Variants in PLCE1 observed in about 807,000 individuals in gnomAD.
The protein encoded by PLCE1 is phospholipase C epsilon 1.
PLCE1 carries 119 observed loss-of-function variants against 242.8 expected under a neutral mutation model. The ratio of observed to expected loss-of-function variants is 0.49; its 90% CI spans 0.42 to 0.57. The LOEUF (loss-of-function observed/expected upper bound fraction) is 0.57. Ranked by LOEUF, PLCE1 falls within the 20% of genes least tolerant of loss-of-function variation. PLCE1 has a pLI of 0.00. For missense variants in PLCE1, 2,441 were observed against 2,788.8 expected (o/e 0.88, Z 2.81); for synonymous variants, 945 against 1,017.4 (o/e 0.93, Z 1.35).
intron 2 of PLCE1, among the ~76,000 whole-genome samples, chr10:94,114,853 G>T (rs1197702630): frequency 6.6e-6 from 1 of 151,622 alleles, no homozygotes; most frequent in Non-Finnish European, 1.5e-5. Context: ...GTGCCATGTT[G>T]GTGTGCTGCA....
At chr10:94,113,898 A>G (rs1445975261) in intron 2 of PLCE1, among the ~76,000 whole-genome samples, 1 of 152,180 alleles carries the variant, frequency 6.6e-6, no homozygotes. Flanking sequence ...AGGAAACAAA[A>G]TGCAGCAGAT....
At chr10:94,193,584 T>C (rs1417242565) in intron 4 of PLCE1, among the ~76,000 whole-genome samples, 3 of 152,222 alleles carry the variant, frequency 2.0e-5, no homozygotes, top group Admixed American at 6.5e-5. Flanking sequence ...GTTTATACAA[T>C]GTGCAGAAAA....
chr10:94,007,280 G>A (rs1254699949), intron 1 of PLCE1, among the ~76,000 whole-genome samples: 1 of 147,906 alleles, frequency 6.8e-6, no homozygotes, highest in African/African-American at 2.5e-5. Context: ...CTGGAAAGAG[G>A]CATTTGGAAG....
intron 2 of PLCE1, among the ~76,000 whole-genome samples, chr10:94,070,966 C>G (rs2044333963): frequency 6.6e-6 from 1 of 152,196 alleles, no homozygotes; most frequent in Admixed American, 6.5e-5. Flanking sequence ...ATGCCAGGCA[C>G]CGTGCTAGAC....
intron 16 of PLCE1, among the ~76,000 whole-genome samples, chr10:94,267,397 C>T (rs2051556764): frequency 6.6e-6 from 1 of 152,180 alleles, no homozygotes; most frequent in Non-Finnish European, 1.5e-5. Context: ...ACAAGAACCC[C>T]TCAAATAGAC....
rs149332737 is a variant in PLCE1, at chr10:94,204,496, G to A, written c.1810-22810G>A. Reference sequence around the variant, plus strand: ...ATCCTGGCCAAGATGGTGAAACTGCGTCTTTACTAAAAATACAAAAAATTA... The same window carrying A: ...ATCCTGGCCAAGATGGTGAAACTGCATCTTTACTAAAAATACAAAAAATTA... On this transcript the variant is annotated intron_variant, in intron 4 of 32. Transcript: ENST00000371380. Among the ~76,000 whole-genome samples, 673 of 152,058 alleles carry A rather than the reference G, an allele frequency of 4.4e-3. 6 individuals are homozygous for A. The highest frequency in any genetic ancestry group is 0.015 in the African/African-American group (638 of 41,458).
At chr10:94,143,406 A>G (rs1482946611) in intron 3 of PLCE1, among the ~76,000 whole-genome samples, 1 of 152,208 alleles carries the variant, frequency 6.6e-6, no homozygotes, top group African/African-American at 2.4e-5. Flanking sequence ...TTTTCAATAC[A>G]TGACACTTCT....
chr10:94,229,037 C>T (rs1229949191), intron 5 of PLCE1, among the ~76,000 whole-genome samples: 1 of 151,900 alleles, frequency 6.6e-6, no homozygotes, highest in Non-Finnish European at 1.5e-5. Context: ...CAAAAATTAG[C>T]TGGGCATGGT....
At chr10:94,322,816 C>T (rs1250643000) in intron 30 of PLCE1, among the ~76,000 whole-genome samples, 1 of 151,632 alleles carries the variant, frequency 6.6e-6, no homozygotes, top group Non-Finnish European at 1.5e-5. Flanking sequence ...ATTAGCCAGG[C>T]ATGGTAGCAT....
intron 4 of PLCE1, among the ~76,000 whole-genome samples, chr10:94,200,107 A>G (rs2048947391): frequency 1.3e-5 from 2 of 152,216 alleles, no homozygotes; most frequent in Admixed American, 6.5e-5. Context: ...CTATAGATAC[A>G]CATATATAAA....
intron 3 of PLCE1, among the ~76,000 whole-genome samples, chr10:94,170,185 A>T (rs1398925060): frequency 6.6e-6 from 1 of 152,190 alleles, no homozygotes; most frequent in African/African-American, 2.4e-5. Context: ...GATGACAGGT[A>T]TTTCCAGGAA....
At chr10:94,293,114 C>A (rs1374220175) in intron 22 of PLCE1, among the ~76,000 whole-genome samples, 1 of 152,188 alleles carries the variant, frequency 6.6e-6, no homozygotes, top group Admixed American at 6.5e-5. Context: ...AGGAATTGAA[C>A]CTAGACACTA....
chr10:94,143,456 G>A (rs995513610), intron 3 of PLCE1, among the ~76,000 whole-genome samples: 1 of 152,146 alleles, frequency 6.6e-6, no homozygotes, highest in African/African-American at 2.4e-5. Flanking sequence ...TTTTTAAAGA[G>A]TAAGCCTCAT....
At chr10:94,162,212 A>T (rs2047640716) in intron 3 of PLCE1, among the ~76,000 whole-genome samples, 1 of 152,126 alleles carries the variant, frequency 6.6e-6, no homozygotes, top group Non-Finnish European at 1.5e-5. Context: ...TATTGATTGG[A>T]ATAGTTTCAG....
intron 4 of PLCE1, among the ~76,000 whole-genome samples, chr10:94,184,770 T>C (rs1471143937): frequency 2.6e-5 from 4 of 152,240 alleles, no homozygotes; most frequent in Non-Finnish European, 4.4e-5. Context: ...AAAGACCTTC[T>C]TTCTCAGACC....
intron 6 of PLCE1, 91 bp downstream of exon 6, chr10:94,234,403 C>G (rs567932152): frequency 7.7e-7 from 1 of 1,300,224 alleles, no homozygotes. Context: ...GAAATGATCA[C>G]TGATTGAACA....
At chr10:94,118,656 C>T (rs1481521432) in intron 2 of PLCE1, among the ~76,000 whole-genome samples, 2 of 152,192 alleles carry the variant, frequency 1.3e-5, no homozygotes, top group African/African-American at 4.8e-5. Context: ...CCTTGCCTTC[C>T]ACCATGATTG....
intron 2 of PLCE1, among the ~76,000 whole-genome samples, chr10:94,083,602 C>T (rs1239690498): frequency 6.6e-6 from 1 of 152,206 alleles, no homozygotes; most frequent in Non-Finnish European, 1.5e-5. Context: ...TAAAGATAGC[C>T]AACAGCAGTT....
chr10:94,154,908 A>ATT (rs987066282), intron 3 of PLCE1, among the ~76,000 whole-genome samples: 2 of 147,938 alleles, frequency 1.4e-5, no homozygotes, highest in African/African-American at 2.5e-5. Flanking sequence ...ATATATATAT[A>ATT]TATTTATTTA....
Sources: allele counts gnomAD v4.1 joint callset (sites outside exome capture counted in the v4.1 genomes callset), GRCh38; gene constraint gnomAD v4.1.1; transcripts MANE v1.5; gene names NCBI Gene and HGNC (gene_info 2026-07-23, HGNC 2026-07-21).